ERBB4: variants seen among roughly 807,000 people sequenced by gnomAD.
ERBB4 encodes the protein erb-b2 receptor tyrosine kinase 4.
Under a neutral mutation model 158.0 loss-of-function variants are expected in ERBB4, and 42 were observed. The observed-to-expected ratio is 0.27, with a 90% CI of 0.21 to 0.34. The LOEUF (loss-of-function observed/expected upper bound fraction) is 0.34, where lower values mean the gene tolerates loss of function less well. Ranked by LOEUF, ERBB4 falls within the 10% of genes least tolerant of loss-of-function variation. The pLI, the probability that ERBB4 is intolerant of heterozygous loss-of-function variation, is 1.00. For synonymous variants in ERBB4, 583 were observed against 558.7 expected, an observed-to-expected ratio of 1.04 and a Z score of -0.61; for missense variants, 1,333 against 1,624.1, an observed-to-expected ratio of 0.82 and a Z score of 3.08.
rs544972407 is a variant in ERBB4 at position 212,097,647 on chromosome 2, G to T, written c.234+27105C>A. Among the ~76,000 whole-genome samples the T allele has an allele frequency of 1.3e-4, 20 of 152,182 alleles. No individual in the cohort carries two copies. In the South Asian group the frequency reaches 4.2e-3, roughly 32 times the overall value. On this transcript the variant is annotated intron_variant, in intron 2 of 27. Transcript: ENST00000342788. ...ATTTAAATGGTGATGCAGAGAAAGG[G>T]GTAGCCAATGAAAGATAATAAGGAA...
intron 1 of ERBB4, among the ~76,000 whole-genome samples, chr2:212,369,995 G>A (rs2090030448): frequency 6.6e-6 from 1 of 152,140 alleles, no homozygotes; most frequent in Admixed American, 6.6e-5. Flanking sequence ...ATTAAAGGGA[G>A]ATATAGAGAG....
chr2:211,871,358 G>A (rs2078340450), intron 3 of ERBB4, among the ~76,000 whole-genome samples: 1 of 152,048 alleles, frequency 6.6e-6, no homozygotes, highest in Admixed American at 6.6e-5. Context: ...ATACAATTTT[G>A]TGTTAACTGC....
rs76293525 is a variant in ERBB4, at chr2:211,796,234, G to T, written c.422-8075C>A. On this transcript the variant is annotated intron_variant, in intron 3 of 27. Transcript: ENST00000342788. ...ATGTGTGCTTATTTTTGTATTTTAC[G>T]TATATAGAATCATACCATACGTATT... Among the ~76,000 whole-genome samples, 31 of 151,848 alleles carry T rather than the reference G, an allele frequency of 2.0e-4. No homozygotes were observed. The East Asian group carries it at 5.8e-3, about 28-fold the overall frequency.
At chr2:212,447,055 G>T (rs965537217) in intron 1 of ERBB4, among the ~76,000 whole-genome samples, 1 of 150,294 alleles carries the variant, frequency 6.7e-6, no homozygotes, top group Non-Finnish European at 1.5e-5. Flanking sequence ...AGAGTGCAGT[G>T]GCGCAATCTC....
intron 4 of ERBB4, among the ~76,000 whole-genome samples, chr2:211,768,157 A>T (rs1032596861): frequency 5.3e-5 from 8 of 151,646 alleles, no homozygotes; most frequent in Admixed American, 2.6e-4. Context: ...AACCATTAAA[A>T]CTCTGTAATG....
intron 3 of ERBB4, among the ~76,000 whole-genome samples, chr2:211,906,063 G>C (rs1009203472): frequency 6.6e-6 from 1 of 152,002 alleles, no homozygotes; most frequent in Admixed American, 6.6e-5. Context: ...AACCCAGAGA[G>C]AGATACATTC....
rs1228750729 is a variant in ERBB4, at chr2:211,773,626, ATATATAT to A, written c.556+14392_556+14398del. Among the ~76,000 whole-genome samples the A allele has an allele frequency of 1.4e-3, 113 of 78,550 alleles. 8 individuals are homozygous for A. Among genetic ancestry groups the A allele is most frequent in the African/African-American group, 7.1e-3 (107 of 15,070 alleles). The allele number at this position is 78,550 out of a possible 152,430, so 51.5% of individuals were successfully genotyped here. ...TATATATATATATATATATATATAT[ATATATAT>A]ATATATATATATATAATATATATAC... On this transcript the variant is annotated intron_variant, in intron 4 of 27. Transcript: ENST00000342788.
chr2:211,448,830 G>T (rs2064174689), intron 20 of ERBB4, among the ~76,000 whole-genome samples: 1 of 152,052 alleles, frequency 6.6e-6, no homozygotes, highest in African/African-American at 2.4e-5. Context: ...TATTGAGACA[G>T]TTCACTAAAA....
intron 1 of ERBB4, among the ~76,000 whole-genome samples, chr2:212,434,401 A>G (rs958178572): frequency 2.6e-5 from 4 of 151,954 alleles, no homozygotes; most frequent in Non-Finnish European, 5.9e-5. Context: ...ACCTTAAAAC[A>G]TTATGTAAAA....
At chr2:212,100,261 G>T (rs1163078787) in intron 2 of ERBB4, among the ~76,000 whole-genome samples, 1 of 152,150 alleles carries the variant, frequency 6.6e-6, no homozygotes, top group Non-Finnish European at 1.5e-5. Flanking sequence ...AAAAGAAGCA[G>T]CATCAAAAAG....
chr2:211,933,107 G>A (rs527279955), intron 3 of ERBB4, among the ~76,000 whole-genome samples: 1 of 151,884 alleles, frequency 6.6e-6, no homozygotes, highest in Non-Finnish European at 1.5e-5. Flanking sequence ...TTTAAGAGGC[G>A]CTTGAGCCAA....
At chr2:211,982,806 A>G (rs1559244639) in intron 2 of ERBB4, among the ~76,000 whole-genome samples, 1 of 152,232 alleles carries the variant, frequency 6.6e-6, no homozygotes, top group Non-Finnish European at 1.5e-5. Flanking sequence ...GAATTTTTTC[A>G]GTAATAATAT....
At chr2:211,857,893 G>A (rs1175535260) in intron 3 of ERBB4, among the ~76,000 whole-genome samples, 1 of 152,152 alleles carries the variant, frequency 6.6e-6, no homozygotes, top group Non-Finnish European at 1.5e-5. Flanking sequence ...TGAAGCACAC[G>A]GGTAAGGATC....
At chr2:212,098,333 T>C (rs1262345961) in intron 2 of ERBB4, among the ~76,000 whole-genome samples, 1 of 152,156 alleles carries the variant, frequency 6.6e-6, no homozygotes, top group African/African-American at 2.4e-5. Flanking sequence ...AGAAGAAAGG[T>C]TTTAGACAAA....
At chr2:211,681,740 T>C (rs965598196) in intron 12 of ERBB4, among the ~76,000 whole-genome samples, 2 of 152,176 alleles carry the variant, frequency 1.3e-5, no homozygotes, top group African/African-American at 4.8e-5. Context: ...GAGAGTCTTT[T>C]ATATATTCTG....
intron 1 of ERBB4, among the ~76,000 whole-genome samples, chr2:212,505,470 C>G (rs1336543980): frequency 8.0e-6 from 1 of 124,342 alleles, no homozygotes; most frequent in Non-Finnish European, 2.0e-5. Context: ...TGTAAAAACT[C>G]TTTGTAAGCA....
At chr2:212,228,421 T>C (rs1289760274) in intron 1 of ERBB4, among the ~76,000 whole-genome samples, 2 of 152,134 alleles carry the variant, frequency 1.3e-5, no homozygotes, top group Non-Finnish European at 1.5e-5. Flanking sequence ...TACAATACCA[T>C]AGAGTGGAGG....
chr2:211,564,616 C>T (rs1357432906), intron 19 of ERBB4, among the ~76,000 whole-genome samples: 1 of 152,172 alleles, frequency 6.6e-6, no homozygotes, highest in Non-Finnish European at 1.5e-5. Flanking sequence ...CATGTTCAGA[C>T]ATGCCAAATC....
At chr2:211,642,016 T>C (rs981917358) in intron 16 of ERBB4, among the ~76,000 whole-genome samples, 7 of 152,082 alleles carry the variant, frequency 4.6e-5, no homozygotes, top group Admixed American at 2.0e-4. Context: ...AATAGTTAAG[T>C]GGGATATTTT....
Sources: gnomAD v4.1 joint callset for allele counts (sites outside exome capture counted in the v4.1 genomes callset) on GRCh38, gnomAD v4.1.1 for gene constraint, MANE v1.5 for transcripts, NCBI Gene and HGNC (gene_info 2026-07-23, HGNC 2026-07-21) for gene names.